ZDHHC19: variants seen among roughly 807,000 people sequenced by gnomAD.
The protein encoded by ZDHHC19 is zDHHC palmitoyltransferase 19.
ZDHHC19 carries 30 observed loss-of-function variants against 33.9 expected under a neutral mutation model. The observed-to-expected ratio is 0.88, with a 90% CI of 0.66 to 1.20. The LOEUF (loss-of-function observed/expected upper bound fraction) is 1.20. ZDHHC19 is among the 50% of genes most tolerant of loss of function. The pLI, the probability that ZDHHC19 is intolerant of heterozygous loss-of-function variation, is 0.00. For missense variants in ZDHHC19, 364 were observed against 401.1 expected (o/e 0.91, Z 0.79); for synonymous variants, 178 against 167.6 (o/e 1.06, Z -0.48).
At chr3:196,206,679 C>CTTTTTTTTT (rs10578928) in intron 5 of ZDHHC19, among the ~76,000 whole-genome samples, 1 of 112,792 alleles carries the variant, frequency 8.9e-6, no homozygotes, top group African/African-American at 3.4e-5. Flanking sequence ...CTTTTCTTTT[C>CTTTTTTTTT]TTTTTTTTTT....
At chr3:196,199,204 G>A (rs1278700337) in intron 5 of ZDHHC19, 7 of 313,426 alleles carry the variant, frequency 2.2e-5, no homozygotes, top group Non-Finnish European at 3.7e-5. Flanking sequence ...CACGCAATGC[G>A]GTAAAGGCCA....
intron 5 of ZDHHC19, among the ~76,000 whole-genome samples, chr3:196,200,975 A>T (rs1207288847): frequency 4.0e-5 from 6 of 151,696 alleles, no homozygotes; most frequent in Non-Finnish European, 5.9e-5. Flanking sequence ...TTTATTTATT[A>T]GATGTATATA....
chr3:196,210,436 G>GA (rs1560143128), intron 2 of ZDHHC19, among the ~76,000 whole-genome samples, 180 bp downstream of exon 2: 16 of 56,680 alleles, frequency 2.8e-4, no homozygotes, highest in African/African-American at 1.3e-3. Flanking sequence ...GAAAGAAAGA[G>GA]AAAGAAAGAA....
intron 5 of ZDHHC19, among the ~76,000 whole-genome samples, chr3:196,202,668 C>T (rs1722449139): frequency 6.6e-6 from 1 of 152,216 alleles, no homozygotes; most frequent in South Asian, 2.1e-4. Flanking sequence ...CAGGCCGCTT[C>T]CCTGCGTGCA....
intron 5 of ZDHHC19, among the ~76,000 whole-genome samples, chr3:196,200,812 C>A (rs1722279714): frequency 6.8e-6 from 1 of 147,400 alleles, no homozygotes; most frequent in African/African-American, 2.6e-5. Flanking sequence ...CTATGCCCAG[C>A]CAATTTTTAA....
rs1367231748 is a variant in ZDHHC19 at position 196,207,414 on chromosome 3, C to T, written c.671G>A (p.Arg224His). Residue 224 changes from arginine to histidine, a missense_variant, in exon 5 of 8, where the codon CGC (arginine) becomes CAC (histidine). By Grantham distance (29) the Arg-to-His change is conservative. Transcript: ENST00000296326. ...CCCGCGTACCTTGCCCTTGTAGGTG[C>T]GGTCGGCCGAGCTCACGGACAGTGC... Reference protein sequence around the residue: ...IQALSVSSADRTYKGKCRHLQ... With the variant: ...IQALSVSSADHTYKGKCRHLQ... 1 of 1,565,102 alleles carries T rather than the reference C, an allele frequency of 6.4e-7. No homozygotes were observed. Among genetic ancestry groups the T allele is most frequent in the East Asian group, 2.4e-5 (1 of 41,742 alleles).
chr3:196,208,373 C>T lies in ZDHHC19; in HGVS notation c.581+15G>A. ...GTCCCCGCCTCCTCTCCTGCTTCCC[C>T]ACGTGGGCGGATACGCGATGGCCTT... On this transcript the variant is annotated intron_variant, in intron 4 of 7. Coordinates refer to ENST00000296326, the MANE Select transcript of ZDHHC19 (RefSeq NM_001039617.2). The T allele has an allele frequency of 3.7e-6, 6 of 1,613,124 alleles. No individual in the cohort carries two copies. Among genetic ancestry groups the T allele is most frequent in the Non-Finnish European group, 3.4e-6 (4 of 1,179,678 alleles).
chr3:196,201,645 T>C (rs924020307), intron 5 of ZDHHC19, among the ~76,000 whole-genome samples: 18 of 151,616 alleles, frequency 1.2e-4, no homozygotes, highest in African/African-American at 3.6e-4. Flanking sequence ...CGCTTGAACC[T>C]AGGAGGTGGA....
rs201302214 is a variant in ZDHHC19 at position 196,211,177 on chromosome 3, C to A, written c.139G>T (p.Ala47Ser). ...LLVFFSGLFF[A>S]FPCRWLAQNG... ...CTTGCCTGGAAAACTCACGGGAATG[C>A]GAAGAAGAGGCCACTGAAAAAGACC... is the stretch of plus-strand genomic sequence containing the variant. Residue 47 changes from alanine to serine, a missense_variant, in exon 1 of 8, where the codon GCA (alanine) becomes TCA (serine). Ala to Ser is a moderately conservative substitution (Grantham distance 99). Coordinates refer to ENST00000296326, the MANE Select transcript of ZDHHC19 (RefSeq NM_001039617.2). 2 of 1,613,998 alleles carry A rather than the reference C, an allele frequency of 1.2e-6. No individual in the cohort carries two copies. The highest frequency in any genetic ancestry group is 1.3e-5 in the African/African-American group (1 of 74,904).
intron 5 of ZDHHC19, 55 bp from the exon 6 acceptor site, chr3:196,198,929 C>A: frequency 6.3e-7 from 1 of 1,575,686 alleles, no homozygotes; most frequent in Non-Finnish European, 8.7e-7. Context: ...AATGGCTGGG[C>A]CATCGCCCAG....
At chr3:196,198,760 C>A in intron 6 of ZDHHC19, 29 bp downstream of exon 6, 1 of 1,612,696 alleles carries the variant, frequency 6.2e-7, no homozygotes, top group Non-Finnish European at 8.5e-7. Flanking sequence ...CCAGGGTTCA[C>A]CAGTTGGGCC....
chr3:196,201,656 G>A (rs890445015), intron 5 of ZDHHC19, among the ~76,000 whole-genome samples: 2 of 152,020 alleles, frequency 1.3e-5, no homozygotes, highest in African/African-American at 4.8e-5. Flanking sequence ...AGGAGGTGGA[G>A]GTTGCAGTGA....
At chr3:196,201,895 TC>T (rs1722381412) in intron 5 of ZDHHC19, among the ~76,000 whole-genome samples, 1 of 151,536 alleles carries the variant, frequency 6.6e-6, no homozygotes, top group African/African-American at 2.4e-5. Flanking sequence ...AACCCCCCTC[TC>T]CCCATTCCCC....
At position 196,201,154 on chromosome 3, in the gene ZDHHC19, C is replaced by G. The variant is rs939883942; in HGVS notation, c.688-2280G>C. Among the ~76,000 whole-genome samples the G allele has an allele frequency of 7.9e-5, 12 of 151,464 alleles. 1 individual carries two copies. The highest frequency in any genetic ancestry group is 4.2e-4 in the South Asian group (2 of 4,802). ...GTGGCACGATCTTGGCTCACTGCAA[C>G]CTCCGCCTCCCGGGTTCAAGCGATT... is the stretch of plus-strand genomic sequence containing the variant. On this transcript the variant is annotated intron_variant, in intron 5 of 7. Coordinates refer to ENST00000296326, the MANE Select transcript of ZDHHC19 (RefSeq NM_001039617.2).
Position 196,211,172 on chromosome 3 carries a change from G to T in ZDHHC19, c.144C>A (p.Phe48Leu), listed in dbSNP as rs765702132. Residue 48 changes from phenylalanine (F) to leucine (L), a missense_variant and splice_region_variant, in exon 1 of 8, where the codon TTC becomes TTA. Phe to Leu is a conservative substitution (Grantham distance 22). Transcript: ENST00000296326. ...LVFFSGLFFAFPCRWLAQNGE... is the reference protein window; with the variant it reads ...LVFFSGLFFALPCRWLAQNGE... ...AACGGCTTGCCTGGAAAACTCACGG[G>T]AATGCGAAGAAGAGGCCACTGAAAA... is the stretch of plus-strand genomic sequence containing the variant. 4.3e-6 allele frequency: 7 copies of T among 1,614,184 alleles called. No homozygotes were observed. The highest frequency in any genetic ancestry group is 5.9e-6 in the Non-Finnish European group (7 of 1,180,032).
intron 5 of ZDHHC19, among the ~76,000 whole-genome samples, chr3:196,199,813 CGGGTG>C (rs1722111271): frequency 1.3e-5 from 2 of 151,620 alleles, no homozygotes; most frequent in African/African-American, 4.9e-5. Flanking sequence ...GGCGTGGTGG[CGGGTG>C]CCTGTGATCC....
Position 196,208,387 on chromosome 3 carries a change from C to T in ZDHHC19, c.581+1G>A. ...TCCTGCTTCCCCACGTGGGCGGATA[C>T]GCGATGGCCTTGTCGGTGGAGAAGG... is the stretch of plus-strand genomic sequence containing the variant. On this transcript the variant is annotated splice_donor_variant, in intron 4 of 7. Coordinates refer to ENST00000296326, the MANE Select transcript of ZDHHC19 (RefSeq NM_001039617.2). LOFTEE classifies it high-confidence loss of function. The T allele has an allele frequency of 1.2e-6, 2 of 1,612,672 alleles. No individual in the cohort carries two copies. The highest frequency in any genetic ancestry group is 1.1e-5 in the South Asian group (1 of 91,048).
rs1227758889 is a variant in ZDHHC19 at position 196,203,666 on chromosome 3, AG to A, written c.687+3731del. Among the ~76,000 whole-genome samples the A allele has an allele frequency of 6.6e-6, 1 of 152,224 alleles. No individual in the cohort carries two copies. The highest frequency in any genetic ancestry group is 1.9e-4 in the East Asian group (1 of 5,200). ...GCTGGAGATCCTGGATCAGGAGGGC[AG>A]CATTCTGGGCAGGGGAGGGAGGGCA... On this transcript the variant is annotated intron_variant, in intron 5 of 7. Transcript: ENST00000296326. This position sits in a 1 kb window ranked among gnomAD's most constrained non-coding sequence, Gnocchi z 4.3.
chr3:196,198,107 G>A (rs1296093718), intron 7 of ZDHHC19, among the ~76,000 whole-genome samples, 169 bp downstream of exon 7: 1 of 152,164 alleles, frequency 6.6e-6, no homozygotes, highest in South Asian at 2.1e-4. Context: ...CTAGAGGCCT[G>A]GGCCCTGCTT....
Sources: allele counts gnomAD v4.1 joint callset (sites outside exome capture counted in the v4.1 genomes callset), GRCh38; gene constraint gnomAD v4.1.1; non-coding constraint Gnocchi (gnomAD v3.1); transcripts MANE v1.5; gene names NCBI Gene and HGNC (gene_info 2026-07-23, HGNC 2026-07-21).